Variants in IL1RAP observed in about 807,000 individuals in gnomAD.
The protein encoded by IL1RAP is interleukin-1 receptor accessory protein.
A neutral mutation model predicts 60.7 loss-of-function variants in IL1RAP; 35 were observed. The observed-to-expected ratio is 0.58, with a 90% CI of 0.44 to 0.76. The LOEUF is 0.76. IL1RAP is among the 30% of genes least tolerant of loss of function. The pLI is 0.00. For synonymous variants in IL1RAP, 268 were observed against 250.9 expected (o/e 1.07, Z -0.64); for missense variants, 572 against 693.9 (o/e 0.82, Z 1.97).
chr3:190,613,179 C>T (rs1405173733), intron 5 of IL1RAP, among the ~76,000 whole-genome samples: 3 of 91,280 alleles, frequency 3.3e-5, no homozygotes, highest in Admixed American at 3.2e-4. Flanking sequence ...GAGGGCAAAG[C>T]TATGTAATGT....
chr3:190,604,773 T>C (rs1001102266), intron 4 of IL1RAP, among the ~76,000 whole-genome samples: 3 of 152,102 alleles, frequency 2.0e-5, no homozygotes, highest in African/African-American at 7.2e-5. Context: ...TAGAGCCCAT[T>C]TGTATCTGTT....
Position 190,651,182 on chromosome 3 carries a change from T to G in IL1RAP, c.*2477T>G. 1.0e-6 allele frequency: 1 copy of G among 981,358 alleles called. No homozygotes were observed. The highest frequency in any genetic ancestry group is 1.2e-6 in the Non-Finnish European group (1 of 826,452). The allele number at this position is 981,358 out of a possible 1,614,324, so 60.8% of individuals were successfully genotyped here. A position where few individuals can be genotyped will look rare whatever the true frequency, so the allele number is the denominator to read the frequency against. ...TGTCTCAAATTTTTTTAAAAAAAAT[T>G]AATGGTTTTAAATATATGCTATAGG... is the stretch of plus-strand genomic sequence containing the variant. On this transcript the variant is annotated 3_prime_UTR_variant, in exon 12 of 12. Coordinates refer to ENST00000447382, the MANE Select transcript of IL1RAP (RefSeq NM_002182.4).
At position 190,573,285 on chromosome 3, in the gene IL1RAP, C is replaced by G. The variant is rs185881562; in HGVS notation, c.64+8932C>G. ...GCAAAAGTGTAAGACTCTGGACCCC[C>G]TTTTGCAAGTTTATACGTTCTAAGG... is the stretch of plus-strand genomic sequence containing the variant. On this transcript the variant is annotated intron_variant, in intron 3 of 11. Coordinates refer to ENST00000447382, the MANE Select transcript of IL1RAP (RefSeq NM_002182.4). Among the ~76,000 whole-genome samples the G allele has an allele frequency of 2.0e-5, 3 of 152,178 alleles. No homozygotes were observed. The East Asian group carries it at 5.8e-4, about 29-fold the overall frequency.
intron 3 of IL1RAP, among the ~76,000 whole-genome samples, chr3:190,578,987 G>C (rs1184990047): frequency 2.0e-5 from 3 of 152,086 alleles, no homozygotes; most frequent in Non-Finnish European, 4.4e-5. Context: ...TATTTGGGTG[G>C]GGACACAGCC....
At chr3:190,656,884 T>C (rs1238224396) in exon 12 of IL1RAP, 10 of 317,834 alleles carry the variant, frequency 3.1e-5, no homozygotes, top group Middle Eastern at 8.9e-4. Flanking sequence ...TCTTGTCCAA[T>C]GGTTTAAAAC....
intron 3 of IL1RAP, among the ~76,000 whole-genome samples, chr3:190,588,702 A>G (rs1418260245): frequency 6.6e-6 from 1 of 152,204 alleles, no homozygotes; most frequent in Non-Finnish European, 1.5e-5. Context: ...TTCTTCACAT[A>G]TGAAAAGTAC....
At chr3:190,633,711 A>C (rs545657862) in intron 9 of IL1RAP, among the ~76,000 whole-genome samples, 1 of 152,120 alleles carries the variant, frequency 6.6e-6, no homozygotes, top group Non-Finnish European at 1.5e-5. Flanking sequence ...TTGAAAATGC[A>C]ATTAATTGAT....
At chr3:190,629,644 A>G in intron 9 of IL1RAP, 146 bp downstream of exon 9, 3 of 1,394,646 alleles carry the variant, frequency 2.2e-6, no homozygotes, top group Middle Eastern at 1.9e-4. Flanking sequence ...CTTAAATGAA[A>G]AATATGAAAG....
Position 190,612,339 on chromosome 3 carries a change from C to T in IL1RAP, c.537+3158C>T, listed in dbSNP as rs114580129. ...CAGTTAAAAAAAAAAGTTTATTTAC[C>T]GTGCAATCTAGGTTTTAATCTCGAA... On this transcript the variant is annotated intron_variant, in intron 5 of 11. Coordinates refer to ENST00000447382, the MANE Select transcript of IL1RAP (RefSeq NM_002182.4). Among the ~76,000 whole-genome samples, 387 of 152,158 alleles carry T rather than the reference C, an allele frequency of 2.5e-3. 3 individuals are homozygous for T. The highest frequency in any genetic ancestry group is 9.0e-3 in the African/African-American group (373 of 41,540).
chr3:190,567,079 T>C lies in IL1RAP; in HGVS notation c.64+2726T>C, dbSNP rs545569642. Among the ~76,000 whole-genome samples the C allele has an allele frequency of 7.2e-5, 11 of 152,214 alleles. 1 individual carries two copies. The highest frequency in any genetic ancestry group is 3.4e-3 in the Middle Eastern group (1 of 294). ...GGCCTTTTAAGAGAATCCTCAAATA[T>C]AAAAAAGAAACCATAAAAGCATAAG... is the stretch of plus-strand genomic sequence containing the variant. On this transcript the variant is annotated intron_variant, in intron 3 of 11. Transcript: ENST00000447382.
chr3:190,636,468 TTC>T lies in IL1RAP; in HGVS notation c.1051+6974_1051+6975del, dbSNP rs760278492. On this transcript the variant is annotated intron_variant, in intron 9 of 11. Coordinates refer to ENST00000447382, the MANE Select transcript of IL1RAP (RefSeq NM_002182.4). ...TCTTAAATTGTGAAATGTCCGTTTT[TTC>T]TCTGTTAATACTCTGTGTCTAATAT... 1.8e-4 allele frequency among the ~76,000 whole-genome samples: 27 copies of T among 152,282 alleles called. No homozygotes were observed. In the Middle Eastern group the frequency reaches 0.01, roughly 58 times the overall value.
intron 11 of IL1RAP, among the ~76,000 whole-genome samples, chr3:190,647,577 A>T (rs1025310305): frequency 6.6e-6 from 1 of 152,196 alleles, no homozygotes; most frequent in Non-Finnish European, 1.5e-5. Flanking sequence ...TAGTGCAAGT[A>T]GACACATCAT....
Position 190,587,197 on chromosome 3 carries a change from G to C in IL1RAP, c.65-16931G>C, listed in dbSNP as rs572384736. ...AAAGCAGGAAAGTGACTTGGTCACA[G>C]TCAGCATTAAATTTCAGACTCTAGA... is the stretch of plus-strand genomic sequence containing the variant. On this transcript the variant is annotated intron_variant, in intron 3 of 11. Coordinates refer to ENST00000447382, the MANE Select transcript of IL1RAP (RefSeq NM_002182.4). Among the ~76,000 whole-genome samples the C allele has an allele frequency of 2.0e-5, 3 of 152,300 alleles. No homozygotes were observed. In the East Asian group the frequency reaches 5.8e-4, roughly 29 times the overall value.
chr3:190,594,961 A>G (rs1256119954), intron 3 of IL1RAP, among the ~76,000 whole-genome samples: 1 of 152,218 alleles, frequency 6.6e-6, no homozygotes, highest in Admixed American at 6.5e-5. Context: ...TTCATTGATC[A>G]TAAAGCCTAC....
chr3:190,519,640 C>G (rs1187719088), intron 1 of IL1RAP, among the ~76,000 whole-genome samples: 2 of 152,118 alleles, frequency 1.3e-5, no homozygotes, highest in Non-Finnish European at 2.9e-5. Flanking sequence ...TCTGTCTTCT[C>G]CTCTTCTTCT....
At chr3:190,564,564 G>A (rs1041632523) in intron 3 of IL1RAP, 32 of 566,926 alleles carry the variant, frequency 5.6e-5, no homozygotes, top group Non-Finnish European at 9.8e-5. Context: ...AGTACACAGG[G>A]GGCAGTGGGC....
At chr3:190,566,060 T>C (rs77302826) in intron 3 of IL1RAP, among the ~76,000 whole-genome samples, 8,590 of 151,982 alleles carry the variant, frequency 0.057, 356 homozygotes, top group South Asian at 0.13. Flanking sequence ...CTGCCTCCCT[T>C]CTTTCCTTTC....
chr3:190,539,313 C>T (rs993551124), intron 1 of IL1RAP, among the ~76,000 whole-genome samples: 1 of 152,058 alleles, frequency 6.6e-6, no homozygotes, highest in Admixed American at 6.6e-5. Context: ...GAATTTGGTG[C>T]CTCTGAACTT....
chr3:190,621,653 G>T (rs1426071543), intron 6 of IL1RAP, among the ~76,000 whole-genome samples: 1 of 152,146 alleles, frequency 6.6e-6, no homozygotes, highest in Non-Finnish European at 1.5e-5. Context: ...TTTTAAAGCT[G>T]CAAAGTGTTG....
Sources: allele counts gnomAD v4.1 joint callset (sites outside exome capture counted in the v4.1 genomes callset), GRCh38; gene constraint gnomAD v4.1.1; transcripts MANE v1.5; gene names NCBI Gene and HGNC (gene_info 2026-07-23, HGNC 2026-07-21).